NDUFA8: variants seen among roughly 807,000 people sequenced by gnomAD.
The protein encoded by NDUFA8 is NADH dehydrogenase [ubiquinone] 1 alpha subcomplex subunit 8.
NDUFA8 carries 16 observed loss-of-function variants against 20.9 expected under a neutral mutation model. That is an observed-to-expected ratio of 0.77 (90% CI 0.52 to 1.16). The LOEUF (loss-of-function observed/expected upper bound fraction) is 1.16. Among genes scored for constraint, NDUFA8 ranks in the 50% most tolerant of loss-of-function variants. The pLI is 0.00. For missense variants in NDUFA8, 202 were observed against 216.4 expected (o/e 0.93, Z 0.42); for synonymous variants, 70 against 76.1 (o/e 0.92, Z 0.41).
At chr9:122,145,547 G>C (rs571925914) in intron 3 of NDUFA8, among the ~76,000 whole-genome samples, 3 of 152,196 alleles carry the variant, frequency 2.0e-5, no homozygotes, top group African/African-American at 7.2e-5. Context: ...CATCTTCCTA[G>C]ATGTATAAAT....
At chr9:122,157,771 G>A (rs1175050181) in intron 1 of NDUFA8, among the ~76,000 whole-genome samples, 1 of 152,192 alleles carries the variant, frequency 6.6e-6, no homozygotes, top group East Asian at 1.9e-4. Context: ...TAAAGTCCCT[G>A]AACATAGCTA....
At chr9:122,149,774 A>G (rs1329584326) in intron 2 of NDUFA8, among the ~76,000 whole-genome samples, 1 of 152,038 alleles carries the variant, frequency 6.6e-6, no homozygotes, top group Non-Finnish European at 1.5e-5. Context: ...CCTGGCCAAC[A>G]TGGCGAAACC....
chr9:122,151,578 A>C (rs1315949815), intron 2 of NDUFA8, among the ~76,000 whole-genome samples: 3 of 152,228 alleles, frequency 2.0e-5, no homozygotes, highest in African/African-American at 7.2e-5. Flanking sequence ...GAAAACCAGA[A>C]CTAAGAGATT....
chr9:122,140,765 A>G (rs1263514190), downstream of NDUFA8, among the ~76,000 whole-genome samples: 1 of 152,218 alleles, frequency 6.6e-6, no homozygotes, highest in Non-Finnish European at 1.5e-5. Flanking sequence ...CTCACTATAT[A>G]CTCATAGCCA....
chr9:122,159,358 C>T (rs1324145660), intron 1 of NDUFA8, among the ~76,000 whole-genome samples: 1 of 152,182 alleles, frequency 6.6e-6, no homozygotes, highest in Non-Finnish European at 1.5e-5. Context: ...AAATGTATCA[C>T]TATTATTCAC....
downstream of NDUFA8, among the ~76,000 whole-genome samples, chr9:122,141,030 C>G (rs975484846): frequency 6.6e-6 from 1 of 152,174 alleles, no homozygotes; most frequent in Non-Finnish European, 1.5e-5. Context: ...GGGAAAGACA[C>G]CATTCGTGTT....
downstream of NDUFA8, among the ~76,000 whole-genome samples, chr9:122,140,139 A>G (rs1432599624): frequency 6.6e-6 from 1 of 152,230 alleles, no homozygotes; most frequent in Non-Finnish European, 1.5e-5. Flanking sequence ...TTTGTTTCCC[A>G]GATCTACCAG....
the NDUFA8 span, among the ~76,000 whole-genome samples, chr9:122,133,510 GA>G: frequency 3.4e-3 from 514 of 152,358 alleles, 1 homozygote; most frequent in Middle Eastern, 6.8e-3. Context: ...AGGCATGGTG[GA>G]AGGTGAATCT....
intron 1 of NDUFA8, among the ~76,000 whole-genome samples, chr9:122,159,332 T>C (rs1829138202): frequency 2.0e-5 from 3 of 152,156 alleles, no homozygotes; most frequent in Admixed American, 6.5e-5. Context: ...GTAAAATGAC[T>C]GGTTGGTGCT....
downstream of NDUFA8, chr9:122,143,923 A>T (rs145019427): frequency 2.1e-5 from 11 of 530,814 alleles, no homozygotes; most frequent in African/African-American, 3.9e-5. Context: ...GCCTGTTCTA[A>T]CAGGGATCCC....
At chr9:122,158,792 T>C (rs1401816516) in intron 1 of NDUFA8, among the ~76,000 whole-genome samples, 2 of 143,272 alleles carry the variant, frequency 1.4e-5, no homozygotes, top group African/African-American at 6.0e-5. Flanking sequence ...TGTGTGTATA[T>C]ATATGTGTAT....
chr9:122,144,114 T>G lies in NDUFA8; in HGVS notation c.*127A>C. 6.4e-7 allele frequency: 1 copy of G among 1,555,390 alleles called. No homozygotes were observed. The highest frequency in any genetic ancestry group is 1.2e-5 in the South Asian group (1 of 84,162). ...GGTATAGAATAACTGCCAAGTCACATAAGTTAACTTTTTTGTTAATGTTTG... is the reference window on the plus strand; with the variant it reads ...GGTATAGAATAACTGCCAAGTCACAGAAGTTAACTTTTTTGTTAATGTTTG... On this transcript the variant is annotated 3_prime_UTR_variant, in exon 4 of 4. Transcript: ENST00000373768.
intron 2 of NDUFA8, among the ~76,000 whole-genome samples, chr9:122,150,595 A>G (rs2118707422): frequency 6.6e-6 from 1 of 152,260 alleles, no homozygotes; most frequent in Non-Finnish European, 1.5e-5. Flanking sequence ...ACTGAAATCA[A>G]CAATGATGTT....
At chr9:122,137,417 T>C in the NDUFA8 span, among the ~76,000 whole-genome samples, 1 of 151,926 alleles carries the variant, frequency 6.6e-6, no homozygotes, top group South Asian at 2.1e-4. Context: ...AATTTTGTAT[T>C]TTTAGTAGAG....
intron 3 of NDUFA8, 82 bp downstream of exon 3, chr9:122,148,030 A>T: frequency 6.6e-7 from 1 of 1,524,296 alleles, no homozygotes; most frequent in Non-Finnish European, 9.1e-7. Flanking sequence ...ATCTGTATTT[A>T]CAGAGACCCT....
chr9:122,144,724 A>G (rs1224815601), intron 3 of NDUFA8, among the ~76,000 whole-genome samples: 1 of 152,230 alleles, frequency 6.6e-6, no homozygotes, highest in Non-Finnish European at 1.5e-5. Context: ...CTGCCTCTAT[A>G]GGAGCAAGGA....
At chr9:122,138,868 G>GC in the NDUFA8 span, among the ~76,000 whole-genome samples, 1 of 143,230 alleles carries the variant, frequency 7.0e-6, no homozygotes, top group African/African-American at 2.5e-5. Flanking sequence ...GAAGAGGTGG[G>GC]GGGGGGGCCA....
chr9:122,135,081 T>C, the NDUFA8 span, among the ~76,000 whole-genome samples: 1 of 152,224 alleles, frequency 6.6e-6, no homozygotes, highest in African/African-American at 2.4e-5. Flanking sequence ...GGGGCCCCCG[T>C]GCTGGGGGCC....
the NDUFA8 span, among the ~76,000 whole-genome samples, chr9:122,137,697 G>C: frequency 6.6e-6 from 1 of 152,152 alleles, no homozygotes; most frequent in African/African-American, 2.4e-5. Context: ...CAGGTGATTA[G>C]GTCTATTTCA....
Sources: allele counts gnomAD v4.1 joint callset (sites outside exome capture counted in the v4.1 genomes callset), GRCh38; gene constraint gnomAD v4.1.1; transcripts MANE v1.5; gene names NCBI Gene and HGNC (gene_info 2026-07-23, HGNC 2026-07-21).